EHMT1: variants seen among roughly 807,000 people sequenced by gnomAD.
EHMT1 encodes the protein histone-lysine N-methyltransferase EHMT1.
EHMT1 carries 15 observed loss-of-function variants against 147.2 expected under a neutral mutation model. That is an observed-to-expected ratio of 0.10 (90% CI 0.07 to 0.16). The LOEUF (loss-of-function observed/expected upper bound fraction) is 0.16. EHMT1 is among the 10% of genes least tolerant of loss of function. The pLI is 1.00. For synonymous variants in EHMT1, 795 were observed against 709.6 expected, an observed-to-expected ratio of 1.12 and a Z score of -1.91; for missense variants, 1,587 against 1,772.4, an observed-to-expected ratio of 0.90 and a Z score of 1.88.
intron 18 of EHMT1, among the ~76,000 whole-genome samples, chr9:137,804,591 G>A (rs528904891): frequency 5.3e-5 from 8 of 152,048 alleles, no homozygotes; most frequent in East Asian, 1.9e-4. Context: ...GTTTATCAAC[G>A]TTTTTCTTTA....
At chr9:137,816,790 T>G (rs967461966) in intron 23 of EHMT1, 1 of 168,368 alleles carries the variant, frequency 5.9e-6, no homozygotes, top group Non-Finnish European at 1.3e-5. Context: ...GTCCTTGGTA[T>G]GGTAGAAAGG....
intron 1 of EHMT1, among the ~76,000 whole-genome samples, chr9:137,703,335 G>C (rs1386025697): frequency 2.6e-5 from 4 of 152,168 alleles, no homozygotes; most frequent in African/African-American, 9.7e-5. Context: ...TGAAAAATGT[G>C]CTTTTTTTCC....
chr9:137,622,212 G>A (rs1842982461), intron 1 of EHMT1, among the ~76,000 whole-genome samples: 1 of 147,776 alleles, frequency 6.8e-6, no homozygotes, highest in Non-Finnish European at 1.5e-5. Context: ...TCCGCCTCCC[G>A]GATTCAAGTG....
intron 1 of EHMT1, among the ~76,000 whole-genome samples, chr9:137,622,819 A>G (rs1319338152): frequency 4.0e-5 from 6 of 150,456 alleles, no homozygotes; most frequent in African/African-American, 9.8e-5. Flanking sequence ...AGGTGGGAGG[A>G]TCGCTTGATC....
intron 3 of EHMT1, among the ~76,000 whole-genome samples, chr9:137,717,841 A>G (rs1945501267): frequency 1.3e-5 from 2 of 152,142 alleles, no homozygotes; most frequent in Non-Finnish European, 2.9e-5. Flanking sequence ...TTTCATTGAG[A>G]AGTGAATAGA....
At chr9:137,652,271 T>C (rs554822768) in intron 1 of EHMT1, among the ~76,000 whole-genome samples, 23 of 152,302 alleles carry the variant, frequency 1.5e-4, no homozygotes, top group Non-Finnish European at 3.1e-4. Flanking sequence ...TAATTTTTTT[T>C]TTTGTAGAGA....
chr9:137,723,483 G>A (rs1946289073), intron 3 of EHMT1, among the ~76,000 whole-genome samples: 1 of 140,086 alleles, frequency 7.1e-6, no homozygotes. Context: ...CCCGGGGTGT[G>A]TCTGTGTCTG....
At chr9:137,678,141 G>T (rs989277794) in intron 1 of EHMT1, among the ~76,000 whole-genome samples, 2 of 152,132 alleles carry the variant, frequency 1.3e-5, no homozygotes, top group Admixed American at 1.3e-4. Flanking sequence ...TTAAAAACTA[G>T]TATATAATCC....
At chr9:137,832,284 C>G (rs986417451) in intron 25 of EHMT1, among the ~76,000 whole-genome samples, 1 of 149,552 alleles carries the variant, frequency 6.7e-6, no homozygotes, top group Non-Finnish European at 1.5e-5. Flanking sequence ...TCCCACGTGG[C>G]CTCTGCACCT....
chr9:137,652,882 C>T (rs1272663702), intron 1 of EHMT1, among the ~76,000 whole-genome samples: 1 of 151,960 alleles, frequency 6.6e-6, no homozygotes, highest in African/African-American at 2.4e-5. Context: ...CCTGCCACCA[C>T]ACCTGGCTAA....
At chr9:137,688,896 T>C (rs1942689868) in intron 1 of EHMT1, among the ~76,000 whole-genome samples, 1 of 152,162 alleles carries the variant, frequency 6.6e-6, no homozygotes, top group South Asian at 2.1e-4. Context: ...GGTGACCTCT[T>C]CTGAGCTCTG....
intron 8 of EHMT1, among the ~76,000 whole-genome samples, chr9:137,757,349 C>T (rs1300495205): frequency 2.6e-5 from 4 of 152,232 alleles, no homozygotes; most frequent in Non-Finnish European, 4.4e-5. Flanking sequence ...CGACACTGAT[C>T]CTTTCCGGGA....
At position 137,757,895 on chromosome 9, in the gene EHMT1, A is replaced by G; in HGVS notation, c.1385A>G (p.Lys462Arg). Residue 462 changes from lysine (K) to arginine (R), a missense_variant, in exon 9 of 27, where the codon AAG becomes AGG. Physicochemically the swap from Lys to Arg is conservative, Grantham distance 26. Coordinates refer to ENST00000460843, the MANE Select transcript of EHMT1 (RefSeq NM_024757.5). ...PSGALGSESYKSSAGSAEQTA... is the reference protein window; with the variant it reads ...PSGALGSESYRSSAGSAEQTA... ...TCATACCTAGGTTCTGAGTCGTATA[A>G]GTCATCTGCAGGAAGCGCTGAGCAG... The G allele has an allele frequency of 1.2e-6, 2 of 1,614,018 alleles. No homozygotes were observed. Among genetic ancestry groups the G allele is most frequent in the Non-Finnish European group, 1.7e-6 (2 of 1,180,008 alleles).
intron 1 of EHMT1, among the ~76,000 whole-genome samples, chr9:137,621,355 C>A (rs571416020): frequency 1.8e-4 from 28 of 152,276 alleles, no homozygotes; most frequent in African/African-American, 6.5e-4. Context: ...ACTTATCTAA[C>A]TTCATTTCTT....
At chr9:137,691,861 C>T (rs535971911) in intron 1 of EHMT1, among the ~76,000 whole-genome samples, 17 of 152,290 alleles carry the variant, frequency 1.1e-4, no homozygotes, top group Admixed American at 4.6e-4. Context: ...CGCCCACATG[C>T]GAAGCGCCCT....
Position 137,705,312 on chromosome 9 carries a change from G to A in EHMT1, c.22-5655G>A, listed in dbSNP as rs190721458. On this transcript the variant is annotated intron_variant, in intron 1 of 26. Transcript: ENST00000460843. Reference sequence around the variant, plus strand: ...CGGCCTGGGAATTCCTTTAACTTGCGTTTGAAAGTTGGACATGAAATCTCC... The same window carrying A: ...CGGCCTGGGAATTCCTTTAACTTGCATTTGAAAGTTGGACATGAAATCTCC... Among the ~76,000 whole-genome samples the A allele has an allele frequency of 9.1e-4, 139 of 152,300 alleles. 1 individual carries two copies. Among genetic ancestry groups the A allele is most frequent in the East Asian group, 1.9e-4 (1 of 5,182 alleles).
intron 3 of EHMT1, among the ~76,000 whole-genome samples, chr9:137,717,676 G>A (rs1057361862): frequency 6.6e-6 from 1 of 151,586 alleles, no homozygotes; most frequent in African/African-American, 2.4e-5. Context: ...AGTGATGCCA[G>A]GTGACGCCTC....
At chr9:137,712,928 C>T (rs796422969) in intron 2 of EHMT1, among the ~76,000 whole-genome samples, 1 of 151,914 alleles carries the variant, frequency 6.6e-6, no homozygotes, top group East Asian at 1.9e-4. Context: ...TTTAGGTTTT[C>T]GATCAATTTT....
At chr9:137,814,186 G>T (rs1011798338) in intron 21 of EHMT1, 2 of 594,548 alleles carry the variant, frequency 3.4e-6, no homozygotes, top group East Asian at 5.8e-5. Context: ...ACCCACTGCC[G>T]CGTCGCTGCC....
Sources: allele counts gnomAD v4.1 joint callset (sites outside exome capture counted in the v4.1 genomes callset), GRCh38; gene constraint gnomAD v4.1.1; transcripts MANE v1.5; gene names NCBI Gene and HGNC (gene_info 2026-07-23, HGNC 2026-07-21).